Variants in PHACTR1 observed in about 807,000 individuals in gnomAD.
PHACTR1 encodes phosphatase and actin regulator 1, also known as RPEL repeat containing 1.
PHACTR1 carries 16 observed loss-of-function variants against 69.2 expected under a neutral mutation model. The observed-to-expected ratio is 0.23, with a 90% confidence interval of 0.16 to 0.35. PHACTR1 has a LOEUF of 0.35. Ranked by LOEUF, PHACTR1 falls within the 10% of genes least tolerant of loss-of-function variation. The pLI is 1.00. For missense variants in PHACTR1, 510 were observed against 734.7 expected, an observed-to-expected ratio of 0.69 and a Z score of 3.54; for synonymous variants, 312 against 284.5, an observed-to-expected ratio of 1.10 and a Z score of -0.97.
intron 4 of PHACTR1, among the ~76,000 whole-genome samples, chr6:12,965,869 A>G (rs1793420692): frequency 6.6e-6 from 1 of 152,220 alleles, no homozygotes; most frequent in Non-Finnish European, 1.5e-5. Flanking sequence ...TTCCCACAGA[A>G]AAGTAAACTG....
intron 10 of PHACTR1, 185 bp downstream of exon 10, chr6:13,230,378 C>T (rs1013294364): frequency 2.6e-5 from 36 of 1,360,054 alleles, no homozygotes; most frequent in Non-Finnish European, 3.5e-5. Context: ...ATGGTGAAAC[C>T]CCATCTCTAC....
At chr6:13,154,447 C>T (rs761574390) in intron 5 of PHACTR1, among the ~76,000 whole-genome samples, 5 of 152,104 alleles carry the variant, frequency 3.3e-5, no homozygotes, top group Non-Finnish European at 4.4e-5. Flanking sequence ...CTTGAGCCAT[C>T]GTGCCCAGCC....
chr6:13,237,326 A>AC (rs1772143482), intron 10 of PHACTR1, among the ~76,000 whole-genome samples: 3 of 152,156 alleles, frequency 2.0e-5, no homozygotes, highest in Non-Finnish European at 4.4e-5. Context: ...GCAGTGAGCT[A>AC]TAATTGTGCC....
intron 10 of PHACTR1, among the ~76,000 whole-genome samples, chr6:13,256,902 G>A (rs974236314): frequency 6.6e-6 from 1 of 152,090 alleles, no homozygotes; most frequent in African/African-American, 2.4e-5. Context: ...TCCAATCTCT[G>A]TCCATTACCC....
intron 5 of PHACTR1, among the ~76,000 whole-genome samples, chr6:13,133,446 G>A (rs1347277094): frequency 1.3e-5 from 2 of 151,714 alleles, no homozygotes; most frequent in East Asian, 1.9e-4. Context: ...GGCGCGCGCC[G>A]CCACACCTGA....
At chr6:12,816,790 A>G (rs2127704394) in intron 4 of PHACTR1, among the ~76,000 whole-genome samples, 1 of 151,170 alleles carries the variant, frequency 6.6e-6, no homozygotes, top group East Asian at 1.9e-4. Flanking sequence ...AGAATTCAGG[A>G]GTCCCATTTT....
intron 9 of PHACTR1, 75 bp from the exon 10 acceptor site, chr6:13,229,962 T>C: frequency 6.9e-7 from 1 of 1,455,334 alleles, no homozygotes; most frequent in South Asian, 1.4e-5. Flanking sequence ...CCTTGTATCT[T>C]ATGACCCAGG....
At chr6:13,045,047 T>A (rs1362068129) in intron 4 of PHACTR1, among the ~76,000 whole-genome samples, 1 of 152,138 alleles carries the variant, frequency 6.6e-6, no homozygotes, top group African/African-American at 2.4e-5. Context: ...GCTCATTTCC[T>A]CCCTCATCCC....
At chr6:13,045,655 A>T (rs926101142) in intron 4 of PHACTR1, among the ~76,000 whole-genome samples, 1 of 152,214 alleles carries the variant, frequency 6.6e-6, no homozygotes, top group African/African-American at 2.4e-5. Context: ...AAATTAACAG[A>T]AACATGGGCC....
chr6:13,247,867 TA>T (rs1212768492), intron 10 of PHACTR1, among the ~76,000 whole-genome samples: 2 of 146,568 alleles, frequency 1.4e-5, no homozygotes, highest in South Asian at 2.1e-4. Context: ...CCTGCCTCTT[TA>T]AAAAAAAACA....
At position 12,893,521 on chromosome 6, in the gene PHACTR1, TTA is replaced by T. The variant is rs1784353108; in HGVS notation, c.250+143733_250+143734del. Among the ~76,000 whole-genome samples, 4 of 152,200 alleles carry T rather than the reference TTA, an allele frequency of 2.6e-5. No individual in the cohort carries two copies. The South Asian group carries it at 8.3e-4, about 32-fold the overall frequency. ...TGTGAATCCTTCATTATTACATACT[TTA>T]TGATTTTTTTACAACTTGTATTTTG... is the stretch of plus-strand genomic sequence containing the variant. On this transcript the variant is annotated intron_variant, in intron 4 of 14. Transcript: ENST00000332995.
intron 4 of PHACTR1, among the ~76,000 whole-genome samples, chr6:13,008,676 C>T (rs770401396): frequency 2.0e-5 from 3 of 152,304 alleles, no homozygotes; most frequent in Non-Finnish European, 2.9e-5. Flanking sequence ...ATAGCAGCAG[C>T]GCTGCACCAT....
Position 13,272,924 on chromosome 6 carries a change from C to CT in PHACTR1, c.1447+10dup. On this transcript the variant is annotated intron_variant, in intron 11 of 14. Transcript: ENST00000332995. ...GAGGAACATTTTGAAACGTAAGTGA[C>CT]TAAGCCCATGGCAATCCCTGATGTT... The CT allele has an allele frequency of 2.5e-6, 4 of 1,614,038 alleles. No individual in the cohort carries two copies. The highest frequency in any genetic ancestry group is 2.5e-6 in the Non-Finnish European group (3 of 1,179,890).
At chr6:13,112,236 C>T (rs1583410447) in intron 5 of PHACTR1, among the ~76,000 whole-genome samples, 1 of 152,310 alleles carries the variant, frequency 6.6e-6, no homozygotes, top group Middle Eastern at 3.4e-3. Context: ...GCATAGTATT[C>T]CATGGTATAT....
chr6:12,966,928 A>G (rs943046360), intron 4 of PHACTR1, among the ~76,000 whole-genome samples: 2 of 152,186 alleles, frequency 1.3e-5, no homozygotes, highest in African/African-American at 4.8e-5. Flanking sequence ...AGATTTGGAT[A>G]AGCTGGAATA....
At chr6:12,922,607 A>T (rs1365528337) in intron 4 of PHACTR1, among the ~76,000 whole-genome samples, 1 of 152,214 alleles carries the variant, frequency 6.6e-6, no homozygotes, top group Non-Finnish European at 1.5e-5. Context: ...CTCCTAGCTG[A>T]TTCTCCATGC....
At chr6:13,196,216 G>A (rs1764390012) in intron 7 of PHACTR1, among the ~76,000 whole-genome samples, 2 of 150,220 alleles carry the variant, frequency 1.3e-5, no homozygotes, top group Non-Finnish European at 3.0e-5. Flanking sequence ...GCATCAGATA[G>A]ATGCAAAACC....
chr6:13,011,237 G>A (rs773671855), intron 4 of PHACTR1, among the ~76,000 whole-genome samples: 3 of 152,128 alleles, frequency 2.0e-5, no homozygotes, highest in Middle Eastern at 3.2e-3. Context: ...AGCCACATGC[G>A]GCCACTGAGC....
At chr6:12,865,103 T>C (rs1781323368) in intron 4 of PHACTR1, among the ~76,000 whole-genome samples, 1 of 151,910 alleles carries the variant, frequency 6.6e-6, no homozygotes, top group Non-Finnish European at 1.5e-5. Flanking sequence ...ACCCCAACTT[T>C]TAAAATGGGA....
Sources: gnomAD v4.1 joint callset for allele counts (sites outside exome capture counted in the v4.1 genomes callset) on GRCh38, gnomAD v4.1.1 for gene constraint, MANE v1.5 for transcripts, NCBI Gene and HGNC (gene_info 2026-07-23, HGNC 2026-07-21) for gene names.